Variants in LDAH observed in about 807,000 individuals in gnomAD.
The protein encoded by LDAH is lipid droplet associated hydrolase, also known as lipid droplet-associated hydrolase.
Under a neutral mutation model 29.6 loss-of-function variants are expected in LDAH, and 26 were observed. The observed-to-expected ratio is 0.88, with a 90% CI of 0.64 to 1.22. LDAH has a LOEUF of 1.22. Ranked by LOEUF, LDAH falls within the 50% of genes most tolerant of loss-of-function variation. The probability of loss-of-function intolerance (pLI) is 0.00; values close to 1 mark genes in which losing one functional copy is unlikely to be tolerated. For missense variants in LDAH, 344 were observed against 387.3 expected (o/e 0.89, Z 0.94); for synonymous variants, 117 against 133.0 (o/e 0.88, Z 0.83).
chr2:20,811,209 G>A lies in LDAH; in HGVS notation c.-2-9744C>T, dbSNP rs184393661. 9.5e-3 allele frequency among the ~76,000 whole-genome samples: 1,444 copies of A among 151,926 alleles called. 43 individuals are homozygous for A. The East Asian group carries it at 0.1, about 11-fold the overall frequency. On this transcript the variant is annotated intron_variant, in intron 1 of 6. Transcript: ENST00000237822. Reference sequence around the variant, plus strand: ...ATTTTTTTGTATTTTTAGTAGAGACGGGGTTTCACCGTGTTAGCCAGGATG... The same window carrying A: ...ATTTTTTTGTATTTTTAGTAGAGACAGGGTTTCACCGTGTTAGCCAGGATG...
chr2:20,787,023 T>G (rs1465330594), intron 3 of LDAH, among the ~76,000 whole-genome samples: 3 of 152,246 alleles, frequency 2.0e-5, no homozygotes, highest in Non-Finnish European at 4.4e-5. Context: ...GTAATACCTA[T>G]GAAAGTGAAG....
intron 2 of LDAH, among the ~76,000 whole-genome samples, chr2:20,800,126 T>C (rs1198621799): frequency 1.3e-5 from 2 of 152,150 alleles, no homozygotes; most frequent in Admixed American, 1.3e-4. Context: ...TGCATCAACT[T>C]AAAGATCACA....
chr2:20,734,068 T>C lies in LDAH; in HGVS notation c.703+5903A>G, dbSNP rs140619196. On this transcript the variant is annotated intron_variant, in intron 5 of 6. Coordinates refer to ENST00000237822, the MANE Select transcript of LDAH (RefSeq NM_021925.4). Reference sequence around the variant, plus strand: ...GGTGAAGTGTTCTACAAATGTCTATTAGGTAATTTTCTTTGCACTGAAATC... The same window carrying C: ...GGTGAAGTGTTCTACAAATGTCTATCAGGTAATTTTCTTTGCACTGAAATC... Among the ~76,000 whole-genome samples the C allele has an allele frequency of 2.9e-3, 439 of 152,282 alleles. 2 individuals carry two copies. Among genetic ancestry groups the C allele is most frequent in the Admixed American group, 7.8e-3 (120 of 15,298 alleles).
intron 3 of LDAH, among the ~76,000 whole-genome samples, chr2:20,779,978 C>T (rs559816908): frequency 7.2e-5 from 11 of 152,226 alleles, no homozygotes; most frequent in African/African-American, 1.9e-4. Context: ...ATTCTGTAGG[C>T]TTACCTACTT....
At chr2:20,729,458 G>C (rs1449068702) in intron 5 of LDAH, among the ~76,000 whole-genome samples, 2 of 152,036 alleles carry the variant, frequency 1.3e-5, no homozygotes, top group Non-Finnish European at 2.9e-5. Flanking sequence ...GTCCTGATTT[G>C]AGTTTAGAAA....
intron 1 of LDAH, among the ~76,000 whole-genome samples, chr2:20,815,024 T>G (rs1452252388): frequency 6.6e-6 from 1 of 152,178 alleles, no homozygotes; most frequent in Non-Finnish European, 1.5e-5. Flanking sequence ...ACAAATAACC[T>G]AAAACTGTTA....
intron 6 of LDAH, 149 bp from the exon 7 acceptor site, chr2:20,687,243 C>G (rs1460571712): frequency 6.8e-6 from 4 of 586,840 alleles, no homozygotes; most frequent in Non-Finnish European, 1.2e-5. Context: ...GTGGCTCTCT[C>G]AAGGCAGCAA....
At position 20,686,981 on chromosome 2, in the gene LDAH, A is replaced by G; in HGVS notation, c.900T>C (p.His300=). 2 of 1,614,168 alleles carry G rather than the reference A, an allele frequency of 1.2e-6. No individual in the cohort carries two copies. Among genetic ancestry groups the G allele is most frequent in the Non-Finnish European group, 1.7e-6 (2 of 1,180,006 alleles). The part of the protein sequence containing the change: ...DIRLCEKNIP[H]AFITHFNQEM... ...CCTGGTTAAAATGGGTGATGAAAGC[A>G]TGAGGTATGTTTTTCTCACAGAGTC... Residue 300 remains histidine (H), a synonymous_variant, in exon 7 of 7, where the codon CAT becomes CAC. Transcript: ENST00000237822.
chr2:20,748,301 A>G (rs1352768001), intron 4 of LDAH, among the ~76,000 whole-genome samples: 1 of 152,206 alleles, frequency 6.6e-6, no homozygotes, highest in Non-Finnish European at 1.5e-5. Context: ...GTGAAAAAAA[A>G]AGCCATTTAA....
At chr2:20,787,844 A>AG (rs1193709229) in intron 3 of LDAH, among the ~76,000 whole-genome samples, 2 of 152,220 alleles carry the variant, frequency 1.3e-5, no homozygotes, top group Non-Finnish European at 2.9e-5. Context: ...ATATTGACAT[A>AG]GGGGAAAAAG....
chr2:20,710,714 T>TTATACATATATACATATATATTATACACA (rs1664687671), intron 5 of LDAH, among the ~76,000 whole-genome samples: 1 of 147,304 alleles, frequency 6.8e-6, no homozygotes, highest in African/African-American at 2.5e-5. Context: ...TACACATATA[T>TTATACATATATACATATATATTATACACA]TATACATATA....
chr2:20,777,572 C>T (rs950849126), intron 3 of LDAH, among the ~76,000 whole-genome samples: 3 of 152,024 alleles, frequency 2.0e-5, no homozygotes, highest in African/African-American at 7.2e-5. Flanking sequence ...GCGTGCACCA[C>T]CAGGCCTGGT....
chr2:20,773,314 T>TA (rs56043529), intron 4 of LDAH, among the ~76,000 whole-genome samples: 109 of 140,278 alleles, frequency 7.8e-4, no homozygotes, highest in Admixed American at 1.6e-3. Flanking sequence ...TCAGACAGAC[T>TA]AAAAAAAAAA....
chr2:20,687,776 A>G (rs568144648), intron 6 of LDAH, among the ~76,000 whole-genome samples: 13 of 152,338 alleles, frequency 8.5e-5, no homozygotes, highest in Admixed American at 5.2e-4. Flanking sequence ...ATATATGTAT[A>G]TTGCTCTAGG....
intron 3 of LDAH, 145 bp from the exon 4 acceptor site, chr2:20,775,124 A>G (rs1669717839): frequency 2.9e-6 from 2 of 684,406 alleles, no homozygotes; most frequent in Non-Finnish European, 4.8e-6. Flanking sequence ...GGCATTCATT[A>G]TATTAACTAA....
intron 4 of LDAH, among the ~76,000 whole-genome samples, chr2:20,756,085 G>A (rs1668320434): frequency 6.6e-6 from 1 of 151,732 alleles, no homozygotes; most frequent in Admixed American, 6.6e-5. Context: ...AGGCTAGAGT[G>A]TAGTGGCGCG....
At chr2:20,739,248 G>A (rs1418704722) in intron 5 of LDAH, among the ~76,000 whole-genome samples, 1 of 152,106 alleles carries the variant, frequency 6.6e-6, no homozygotes, top group African/African-American at 2.4e-5. Context: ...TAAAATACTA[G>A]ATAGAAGCTT....
Position 20,801,600 on chromosome 2 carries a change from A to G in LDAH, c.-2-135T>C, listed in dbSNP as rs189949762. ...ATGCCACAAGGACATCTGGGAAACTATAAGACTATTCAGTGATGCTGGATT... is the reference window on the plus strand; with the variant it reads ...ATGCCACAAGGACATCTGGGAAACTGTAAGACTATTCAGTGATGCTGGATT... On this transcript the variant is annotated intron_variant, in intron 1 of 6. Coordinates refer to ENST00000237822, the MANE Select transcript of LDAH (RefSeq NM_021925.4). 2.4e-4 allele frequency: 173 copies of G among 706,990 alleles called. 1 individual carries two copies. Among genetic ancestry groups the G allele is most frequent in the African/African-American group, 2.4e-3 (135 of 55,838 alleles). 43.8% of individuals were successfully genotyped at this position (706,990 alleles called of 1,614,324 possible).
At chr2:20,735,506 A>G (rs2149431587) in intron 5 of LDAH, among the ~76,000 whole-genome samples, 1 of 152,010 alleles carries the variant, frequency 6.6e-6, no homozygotes, top group South Asian at 2.1e-4. Flanking sequence ...AGTTTCAAAC[A>G]TGTTTATTAA....
Sources: gnomAD v4.1 joint callset for allele counts (sites outside exome capture counted in the v4.1 genomes callset) on GRCh38, gnomAD v4.1.1 for gene constraint, MANE v1.5 for transcripts, NCBI Gene and HGNC (gene_info 2026-07-23, HGNC 2026-07-21) for gene names.